MBOAT2: variants seen among roughly 807,000 people sequenced by gnomAD.
MBOAT2 encodes the protein membrane bound glycerophospholipid O-acyltransferase 2.
Under a neutral mutation model 63.4 loss-of-function variants are expected in MBOAT2, and 28 were observed. That is an observed-to-expected ratio of 0.44 (90% CI 0.33 to 0.61). MBOAT2 has a LOEUF of 0.61. Ranked by LOEUF, MBOAT2 falls within the 20% of genes least tolerant of loss-of-function variation. The probability of loss-of-function intolerance (pLI) is 0.03; values close to 1 mark genes in which losing one functional copy is unlikely to be tolerated. For synonymous variants in MBOAT2, 211 were observed against 215.6 expected (o/e 0.98, Z 0.19); for missense variants, 470 against 605.8 (o/e 0.78, Z 2.35).
At chr2:8,886,441 C>T (rs928032970) in intron 5 of MBOAT2, among the ~76,000 whole-genome samples, 7 of 152,216 alleles carry the variant, frequency 4.6e-5, no homozygotes, top group Admixed American at 2.0e-4. Flanking sequence ...TAAGGCCCTT[C>T]TCTGAAAGAT....
chr2:8,986,477 C>T (rs1216287095), intron 1 of MBOAT2, among the ~76,000 whole-genome samples: 1 of 151,818 alleles, frequency 6.6e-6, no homozygotes, highest in Non-Finnish European at 1.5e-5. Context: ...GTGGGAGGAT[C>T]ACTTAAGCCC....
intron 4 of MBOAT2, among the ~76,000 whole-genome samples, chr2:8,893,961 T>G (rs1315272894): frequency 6.6e-6 from 1 of 152,128 alleles, no homozygotes; most frequent in Non-Finnish European, 1.5e-5. Flanking sequence ...CTGCATTTTT[T>G]TTTTTAATAC....
In MBOAT2 at chr2:8,909,666, ATAGT is replaced by A. The variant is rs775138943; in HGVS notation, c.300-954_300-951del. 5.3e-3 allele frequency among the ~76,000 whole-genome samples: 812 copies of A among 152,324 alleles called. 13 individuals carry two copies. Among genetic ancestry groups the A allele is most frequent in the Non-Finnish European group, 9.0e-3 (609 of 68,018 alleles). On this transcript the variant is annotated intron_variant, in intron 3 of 12. Transcript: ENST00000305997. ...GAAAGTTCTTTCAAACTTTTGACAA[ATAGT>A]TAATTATAATCTTTTGAATTATTCC...
Position 8,882,989 on chromosome 2 carries a change from A to T in MBOAT2, c.452-424T>A, listed in dbSNP as rs1211436148. Among the ~76,000 whole-genome samples, 18 of 152,168 alleles carry T rather than the reference A, an allele frequency of 1.2e-4. No homozygotes were observed. In the East Asian group the frequency reaches 3.5e-3, roughly 29 times the overall value. ...AATTTCCTTACTCCTCCATGACTCC[A>T]ATGCATGAAAACCAAACTCAAATAC... On this transcript the variant is annotated intron_variant, in intron 5 of 12. Coordinates refer to ENST00000305997, the MANE Select transcript of MBOAT2 (RefSeq NM_138799.4).
intron 1 of MBOAT2, among the ~76,000 whole-genome samples, chr2:8,966,393 T>C (rs1158950863): frequency 6.6e-6 from 1 of 152,200 alleles, no homozygotes; most frequent in Non-Finnish European, 1.5e-5. Flanking sequence ...TGTGCTGGAA[T>C]CTTATCTGTG....
chr2:8,989,338 T>G (rs931902793), intron 1 of MBOAT2, among the ~76,000 whole-genome samples: 3 of 152,182 alleles, frequency 2.0e-5, no homozygotes, highest in African/African-American at 7.2e-5. Flanking sequence ...CCTCATGGGT[T>G]CTATCATTGG....
At chr2:8,886,730 T>C (rs1206812205) in intron 5 of MBOAT2, among the ~76,000 whole-genome samples, 1 of 152,234 alleles carries the variant, frequency 6.6e-6, no homozygotes, top group East Asian at 1.9e-4. Context: ...GTTGAATATA[T>C]ATATTGTCAT....
chr2:8,863,865 G>C (rs1661666476), intron 10 of MBOAT2, among the ~76,000 whole-genome samples: 1 of 152,204 alleles, frequency 6.6e-6, no homozygotes, highest in African/African-American at 2.4e-5. Flanking sequence ...CATCTCTACT[G>C]AACACAATCA....
chr2:8,858,757 C>A lies in MBOAT2; in HGVS notation c.1485G>T (p.Gln495His). The A allele has an allele frequency of 5.0e-6, 8 of 1,613,970 alleles. No individual in the cohort carries two copies. The highest frequency in any genetic ancestry group is 5.1e-6 in the Non-Finnish European group (6 of 1,179,984). ...CATTGTTTGTTGTAGAAAAACTGTT[C>A]TGTCCCAAAGAATTTTCTCCTTCAT... ...KFDEGENSLGQNSFSTTNNVC... is the reference protein window; with the variant it reads ...KFDEGENSLGHNSFSTTNNVC... The change falls in exon 13 of 13, where the codon CAG (glutamine) becomes CAT (histidine). Residue 495 changes from glutamine to histidine, a missense_variant. Around this residue, in one of 3 missense-constraint regions of MBOAT2, gnomAD observed 90 missense variants for 84.9 expected, o/e 1.06. Coordinates refer to ENST00000305997, the MANE Select transcript of MBOAT2 (RefSeq NM_138799.4).
At chr2:8,879,613 G>C (rs1264846225) in intron 6 of MBOAT2, among the ~76,000 whole-genome samples, 1 of 152,102 alleles carries the variant, frequency 6.6e-6, no homozygotes, top group African/African-American at 2.4e-5. Flanking sequence ...TCTCTGTGGT[G>C]GGGTCCCCTG....
intron 1 of MBOAT2, among the ~76,000 whole-genome samples, chr2:8,976,978 G>C (rs1314592045): frequency 6.6e-6 from 1 of 152,102 alleles, no homozygotes; most frequent in East Asian, 1.9e-4. Context: ...TGAATTTCTA[G>C]AAAACCCAAA....
chr2:8,950,281 T>A (rs1573142582), intron 2 of MBOAT2, among the ~76,000 whole-genome samples: 1 of 149,316 alleles, frequency 6.7e-6, no homozygotes, highest in African/African-American at 2.4e-5. Flanking sequence ...GAGTTTGACT[T>A]CTTCTTTTCC....
At chr2:8,940,163 G>A (rs920881330) in intron 3 of MBOAT2, among the ~76,000 whole-genome samples, 3 of 151,946 alleles carry the variant, frequency 2.0e-5, no homozygotes, top group South Asian at 2.1e-4. Flanking sequence ...TCCCTTCTAC[G>A]TCTTAACGGG....
At chr2:8,960,460 G>A (rs940463660) in intron 1 of MBOAT2, among the ~76,000 whole-genome samples, 13 of 152,130 alleles carry the variant, frequency 8.5e-5, no homozygotes, top group African/African-American at 3.1e-4. Flanking sequence ...TGGTTATATA[G>A]AACATCCTTC....
intron 4 of MBOAT2, among the ~76,000 whole-genome samples, chr2:8,907,369 C>A (rs980055071): frequency 6.6e-6 from 1 of 152,168 alleles, no homozygotes; most frequent in Non-Finnish European, 1.5e-5. Flanking sequence ...TGAACAAGAC[C>A]AATATAGGTG....
chr2:8,891,387 A>G (rs144585216), intron 4 of MBOAT2, among the ~76,000 whole-genome samples: 1 of 152,354 alleles, frequency 6.6e-6, no homozygotes, highest in East Asian at 1.9e-4. Context: ...CGCAGCAGGT[A>G]TATGGCTGGG....
chr2:8,943,988 C>T (rs889861984), intron 2 of MBOAT2, among the ~76,000 whole-genome samples: 2 of 152,024 alleles, frequency 1.3e-5, no homozygotes, highest in Admixed American at 6.6e-5. Context: ...CTCAGCCTCC[C>T]GAGTAGCTGG....
chr2:8,866,913 C>T (rs1661937957), intron 9 of MBOAT2, among the ~76,000 whole-genome samples: 1 of 152,202 alleles, frequency 6.6e-6, no homozygotes, highest in Admixed American at 6.5e-5. Context: ...CATCCCGTCT[C>T]GGGCACTTAC....
In MBOAT2 at chr2:8,862,558, T is replaced by C. The variant is rs373171537; in HGVS notation, c.1185+32A>G. The C allele has an allele frequency of 1.3e-4, 205 of 1,596,836 alleles. 1 individual carries two copies. Among genetic ancestry groups the C allele is most frequent in the East Asian group, 8.9e-4 (40 of 44,816 alleles). On this transcript the variant is annotated intron_variant, in intron 11 of 12. Transcript: ENST00000305997. The surrounding 1 kb of genome is among the most constrained non-coding windows in gnomAD (Gnocchi z 4.3). The stretch of plus-strand genomic sequence containing the variant: ...CCTTTTTAACAGTTCAAGTGGACCA[T>C]TGAATTGTAAAATAAAATTCTTGAT...
Sources: allele counts gnomAD v4.1 joint callset (sites outside exome capture counted in the v4.1 genomes callset), GRCh38; gene constraint gnomAD v4.1.1; regional missense constraint gnomAD v4.1.1; non-coding constraint Gnocchi (gnomAD v3.1); transcripts MANE v1.5; gene names NCBI Gene and HGNC (gene_info 2026-07-23, HGNC 2026-07-21).